Variants in NR3C1 observed in about 807,000 individuals in gnomAD.
NR3C1 encodes nuclear receptor subfamily 3 group C member 1, also known as glucocorticoid receptor.
In NR3C1, 14 loss-of-function variants were observed where a neutral mutation model predicts 74.0. That is an observed-to-expected ratio of 0.19 (90% CI 0.12 to 0.30). NR3C1 has a LOEUF of 0.30. NR3C1 is among the 10% of genes least tolerant of loss of function. The probability of loss-of-function intolerance (pLI) is 1.00; values close to 1 mark genes in which losing one functional copy is unlikely to be tolerated. For missense variants in NR3C1, 695 were observed against 909.8 expected (o/e 0.76, Z 3.04); for synonymous variants, 308 against 332.5 (o/e 0.93, Z 0.80).
upstream of NR3C1, chr5:143,403,927 CG>C (rs1426884182): frequency 1.0e-6 from 1 of 983,768 alleles, no homozygotes; most frequent in Admixed American, 6.2e-5. Flanking sequence ...CGCCGCGCTT[CG>C]CCCCCCGCCC....
intron 2 of NR3C1, among the ~76,000 whole-genome samples, chr5:143,350,150 C>G (rs751820369): frequency 1.3e-5 from 2 of 152,060 alleles, no homozygotes; most frequent in South Asian, 2.1e-4. Flanking sequence ...GTACTCAGGA[C>G]AGTGAGAACC....
At chr5:143,314,827 A>G (rs1489434108) in intron 2 of NR3C1, among the ~76,000 whole-genome samples, 1 of 152,186 alleles carries the variant, frequency 6.6e-6, no homozygotes, top group Non-Finnish European at 1.5e-5. Context: ...TGATCCAGAA[A>G]CATTTTCTAT....
At position 143,281,596 on chromosome 5, in the gene NR3C1, T is replaced by G. The variant is rs1396658562; in HGVS notation, c.*293A>C. 2.0e-5 allele frequency: 7 copies of G among 343,866 alleles called. No individual in the cohort carries two copies. Among genetic ancestry groups the G allele is most frequent in the Non-Finnish European group, 3.9e-5 (7 of 181,692 alleles). 21.3% of individuals were successfully genotyped at this position (343,866 alleles called of 1,614,324 possible). ...GGCACTGGTGGTTTAGGTGCCATCC[T>G]TCTTTGACTGTGGAGATTACGTCCA... On this transcript the variant is annotated 3_prime_UTR_variant, in exon 9 of 9. Coordinates refer to ENST00000394464, the MANE Select transcript of NR3C1 (RefSeq NM_000176.3).
At chr5:143,365,156 G>C (rs763913475) in intron 2 of NR3C1, among the ~76,000 whole-genome samples, 2 of 152,054 alleles carry the variant, frequency 1.3e-5, no homozygotes, top group African/African-American at 2.4e-5. Context: ...AAGAATTTAA[G>C]AACAAGAGAC....
intron 2 of NR3C1, among the ~76,000 whole-genome samples, chr5:143,334,073 G>C (rs1826592269): frequency 6.6e-6 from 1 of 152,090 alleles, no homozygotes; most frequent in Non-Finnish European, 1.5e-5. Context: ...AAACTGGAAA[G>C]GAAGGGTCAA....
At chr5:143,427,184 CTG>C (rs1198971486) in intron 1 of NR3C1, among the ~76,000 whole-genome samples, 2 of 152,062 alleles carry the variant, frequency 1.3e-5, no homozygotes, top group African/African-American at 4.8e-5. Flanking sequence ...GTGTGACAAA[CTG>C]TGTTCTTACT....
chr5:143,418,052 GAAAT>G (rs2151958152), intron 1 of NR3C1, among the ~76,000 whole-genome samples: 1 of 152,292 alleles, frequency 6.6e-6, no homozygotes, highest in African/African-American at 2.4e-5. Context: ...GAAGCACAGA[GAAAT>G]AAAATGATTT....
chr5:143,330,580 A>C (rs958732087), intron 2 of NR3C1, among the ~76,000 whole-genome samples: 2 of 152,226 alleles, frequency 1.3e-5, no homozygotes, highest in African/African-American at 2.4e-5. Flanking sequence ...AATGTCAGCC[A>C]TAAGAAAGCA....
chr5:143,385,415 G>A (rs1304297034), intron 2 of NR3C1, among the ~76,000 whole-genome samples: 1 of 152,280 alleles, frequency 6.6e-6, no homozygotes, highest in East Asian at 1.9e-4. Flanking sequence ...CACAAGGTCA[G>A]GCTGCAAATT....
At chr5:143,346,109 T>C (rs1215678447) in intron 2 of NR3C1, among the ~76,000 whole-genome samples, 2 of 152,232 alleles carry the variant, frequency 1.3e-5, no homozygotes, top group African/African-American at 4.8e-5. Context: ...ATACACTGCA[T>C]GCTGTCAGAC....
chr5:143,317,379 C>A (rs1463993764), intron 2 of NR3C1, among the ~76,000 whole-genome samples: 2 of 152,148 alleles, frequency 1.3e-5, no homozygotes, highest in African/African-American at 4.8e-5. Context: ...TTAAGGGCAT[C>A]ATTATCTGTA....
chr5:143,326,132 C>T (rs956067195), intron 2 of NR3C1, among the ~76,000 whole-genome samples: 5 of 152,196 alleles, frequency 3.3e-5, no homozygotes, highest in South Asian at 4.1e-4. Context: ...TGCCCAAAGT[C>T]GCATTATAAG....
chr5:143,376,536 T>C (rs1308127862), intron 2 of NR3C1, among the ~76,000 whole-genome samples: 1 of 152,202 alleles, frequency 6.6e-6, no homozygotes, highest in Non-Finnish European at 1.5e-5. Flanking sequence ...AACTAGTACA[T>C]GGACTATTTG....
chr5:143,340,476 A>ATTTTTTTTT (rs3074500), intron 2 of NR3C1, among the ~76,000 whole-genome samples: 3 of 89,154 alleles, frequency 3.4e-5, no homozygotes, highest in East Asian at 3.4e-4. Flanking sequence ...TTTAAAGATG[A>ATTTTTTTTT]TTTTTTTTTT....
intron 2 of NR3C1, among the ~76,000 whole-genome samples, chr5:143,358,499 AG>A (rs1302765095): frequency 1.3e-5 from 2 of 152,254 alleles, no homozygotes; most frequent in East Asian, 3.8e-4. Flanking sequence ...ATATTAGCAA[AG>A]AATTCCAAAC....
chr5:143,332,803 G>A lies in NR3C1; in HGVS notation c.1185-18635C>T, dbSNP rs12386505. 6.6e-6 allele frequency: 10 copies of A among 1,523,642 alleles called. No individual in the cohort carries two copies. The East Asian group carries it at 6.7e-5, about 10-fold the overall frequency. 94.4% of individuals were successfully genotyped at this position (1,523,642 alleles called of 1,614,324 possible). On this transcript the variant is annotated intron_variant, in intron 2 of 8. Transcript: ENST00000394464. ...GAAAGGATTGATGGCGTGAGTTTAC[G>A]GGTGCAGAGAACCACTGCAAGACTT...
intron 2 of NR3C1, among the ~76,000 whole-genome samples, chr5:143,331,578 T>C (rs993445812): frequency 6.6e-6 from 1 of 152,164 alleles, no homozygotes; most frequent in Non-Finnish European, 1.5e-5. Context: ...GTGGTACATA[T>C]ACACCATGGA....
chr5:143,314,741 A>AT (rs1214719046), intron 2 of NR3C1, among the ~76,000 whole-genome samples: 1 of 152,182 alleles, frequency 6.6e-6, no homozygotes, highest in South Asian at 2.1e-4. Flanking sequence ...TTACAATCTT[A>AT]AAGTTTTTGT....
upstream of NR3C1, chr5:143,405,040 G>T: frequency 1.2e-6 from 1 of 822,368 alleles, no homozygotes; most frequent in Non-Finnish European, 1.5e-6. Context: ...CCTGAGAAAG[G>T]AGAGGGCCGT....
Sources: gnomAD v4.1 joint callset for allele counts (sites outside exome capture counted in the v4.1 genomes callset) on GRCh38, gnomAD v4.1.1 for gene constraint, MANE v1.5 for transcripts, NCBI Gene and HGNC (gene_info 2026-07-23, HGNC 2026-07-21) for gene names.